The following SHANK2 variants were observed in gnomAD, a reference collection of about 807,000 sequenced individuals.
SHANK2 encodes SH3 and multiple ankyrin repeat domains protein 2.
SHANK2 carries 43 observed loss-of-function variants against 133.7 expected under a neutral mutation model. The observed-to-expected ratio is 0.32, with a 90% CI of 0.25 to 0.41. The LOEUF (loss-of-function observed/expected upper bound fraction) is 0.41. SHANK2 is among the 10% of genes least tolerant of loss of function. The pLI, the probability that SHANK2 is intolerant of heterozygous loss-of-function variation, is 1.00. For synonymous variants in SHANK2, 1,017 were observed against 952.8 expected (o/e 1.07, Z -1.24); for missense variants, 1,994 against 2,235.8 (o/e 0.89, Z 2.18).
intron 3 of SHANK2, among the ~76,000 whole-genome samples, chr11:71,133,287 C>A (rs560070135): frequency 1.8e-5 from 2 of 113,450 alleles, no homozygotes; most frequent in East Asian, 5.2e-4. Context: ...GATGGCCGGC[C>A]GGACGGCTGG....
intron 17 of SHANK2, among the ~76,000 whole-genome samples, chr11:70,518,112 G>C (rs2059287709): frequency 6.6e-6 from 1 of 152,172 alleles, no homozygotes; most frequent in Admixed American, 6.5e-5. Flanking sequence ...TGAGTACCCT[G>C]AGCCAGTGCT....
intron 17 of SHANK2, among the ~76,000 whole-genome samples, chr11:70,619,901 T>C (rs1425783836): frequency 2.0e-5 from 3 of 152,138 alleles, no homozygotes; most frequent in Non-Finnish European, 2.9e-5. Context: ...AGGAGCACGT[T>C]TGGGGCTCAG....
At chr11:70,874,396 G>A (rs1209933796) in intron 11 of SHANK2, among the ~76,000 whole-genome samples, 2 of 152,060 alleles carry the variant, frequency 1.3e-5, no homozygotes, top group African/African-American at 2.4e-5. Flanking sequence ...ACACTGGAGT[G>A]CACTGGCCCA....
At chr11:70,855,081 AG>A (rs1425978317) in intron 11 of SHANK2, among the ~76,000 whole-genome samples, 1 of 152,248 alleles carries the variant, frequency 6.6e-6, no homozygotes, top group Non-Finnish European at 1.5e-5. Flanking sequence ...AAGAAGGGAC[AG>A]CCATTTGGCT....
intron 21 of SHANK2, among the ~76,000 whole-genome samples, chr11:70,498,790 C>G (rs1335802890): frequency 6.6e-6 from 1 of 152,114 alleles, no homozygotes; most frequent in Non-Finnish European, 1.5e-5. Context: ...GGCTGGAAGT[C>G]CAAGGTCAGG....
chr11:70,890,352 A>G (rs1448058488), intron 11 of SHANK2, among the ~76,000 whole-genome samples: 4 of 152,078 alleles, frequency 2.6e-5, no homozygotes, highest in African/African-American at 9.7e-5. Flanking sequence ...AAGAATAGAA[A>G]AAATTGGGCC....
At chr11:71,066,144 TG>T (rs1488706061) in intron 9 of SHANK2, among the ~76,000 whole-genome samples, 127 of 34,198 alleles carry the variant, frequency 3.7e-3, no homozygotes, top group Middle Eastern at 0.019. Flanking sequence ...GTGGGGAAGT[TG>T]GGTGGGGGGG....
In SHANK2 at chr11:70,794,214, G is replaced by C. The variant is rs572735350; in HGVS notation, c.1777+4229C>G. ...GAGAATCACTTGAACTCTGGAGTGG[G>C]AGTTTGCAGTGAGCTGAGATGGTGC... On this transcript the variant is annotated intron_variant, in intron 14 of 25. Coordinates refer to ENST00000601538, the MANE Select transcript of SHANK2 (RefSeq NM_012309.5). Among the ~76,000 whole-genome samples the C allele has an allele frequency of 8.0e-5, 12 of 150,114 alleles. No individual in the cohort carries two copies. The South Asian group carries it at 2.6e-3, about 33-fold the overall frequency.
Position 70,490,373 on chromosome 11 carries a change from G to C in SHANK2, c.2454C>G (p.Arg818=). ...TGGGCGTCATCACGGCGATTCCTTG[G>C]CGTTCGTACACAGACTGCAAACCAG... ...AGSDMNSVYE[R]QGIAVMTPTV... Residue 818 remains arginine, a synonymous_variant, in exon 23 of 26, where the codon CGC becomes CGG. Transcript: ENST00000601538. 6.2e-7 allele frequency: 1 copy of C among 1,614,190 alleles called. No homozygotes were observed. Among genetic ancestry groups the C allele is most frequent in the Non-Finnish European group, 8.5e-7 (1 of 1,179,996 alleles).
At chr11:70,734,831 T>C (rs1555033135) in intron 14 of SHANK2, among the ~76,000 whole-genome samples, 2 of 152,182 alleles carry the variant, frequency 1.3e-5, no homozygotes, top group Non-Finnish European at 2.9e-5. Context: ...ATGAGGACCC[T>C]TGGGGACGGC....
chr11:70,777,861 G>A (rs782306231), intron 14 of SHANK2, among the ~76,000 whole-genome samples: 7 of 152,290 alleles, frequency 4.6e-5, no homozygotes, highest in South Asian at 2.1e-4. Flanking sequence ...CAGACATTCA[G>A]GTTTCATGAG....
chr11:70,877,807 G>C (rs563217590), intron 11 of SHANK2, among the ~76,000 whole-genome samples: 1 of 152,164 alleles, frequency 6.6e-6, no homozygotes, highest in Non-Finnish European at 1.5e-5. Flanking sequence ...ACGGATAGAC[G>C]GGCACATTCT....
At chr11:70,729,647 C>A (rs529322652) in intron 14 of SHANK2, among the ~76,000 whole-genome samples, 97 of 151,622 alleles carry the variant, frequency 6.4e-4, no homozygotes, top group Non-Finnish European at 1.0e-3. Context: ...GCTTCAGCCT[C>A]CCGAGTAGCT....
rs532189486 is a variant in SHANK2 at position 71,164,001 on chromosome 11, C to G, written c.-12-16663G>C. ...TAGTTCCTAGTTTGTAGTCTGTCTG[C>G]TCTAACAAACCTGTTGCACTTAGGA... is the stretch of plus-strand genomic sequence containing the variant. On this transcript the variant is annotated intron_variant, in intron 2 of 25. Transcript: ENST00000601538. 2.0e-5 allele frequency among the ~76,000 whole-genome samples: 3 copies of G among 152,278 alleles called. No individual in the cohort carries two copies. In the South Asian group the frequency reaches 6.2e-4, roughly 32 times the overall value.
At chr11:71,108,817 T>A (rs1403154514) in intron 6 of SHANK2, among the ~76,000 whole-genome samples, 1 of 152,150 alleles carries the variant, frequency 6.6e-6, no homozygotes, top group Non-Finnish European at 1.5e-5. Flanking sequence ...CACAAGCCCG[T>A]GCCGGCTTCT....
chr11:70,697,715 G>C (rs1392470334), intron 15 of SHANK2, among the ~76,000 whole-genome samples: 1 of 152,102 alleles, frequency 6.6e-6, no homozygotes, highest in East Asian at 1.9e-4. Flanking sequence ...CGAGTGCAGG[G>C]GTCTGGGCTG....
In SHANK2 at chr11:70,467,863, A is replaced by G. The variant is rs2058554226; in HGVS notation, c.*5006T>C. The G allele has an allele frequency of 6.6e-6, 1 of 152,612 alleles. No individual in the cohort carries two copies. The highest frequency in any genetic ancestry group is 6.5e-5 in the Admixed American group (1 of 15,280). 9.5% of individuals were successfully genotyped at this position (152,612 alleles called of 1,614,324 possible). On this transcript the variant is annotated 3_prime_UTR_variant, in exon 26 of 26. Coordinates refer to ENST00000601538, the MANE Select transcript of SHANK2 (RefSeq NM_012309.5). ...TGATAACACAATCTTATTTCAATTT[A>G]CTTTTTATTTTTAACTTAAACGACT...
chr11:70,682,839 A>T (rs143185261), intron 15 of SHANK2, among the ~76,000 whole-genome samples: 2 of 152,252 alleles, frequency 1.3e-5, no homozygotes, highest in East Asian at 3.9e-4. Context: ...CGCAAGTCCT[A>T]AGCACAGGAG....
At chr11:70,511,048 G>C (rs535120030) in intron 17 of SHANK2, among the ~76,000 whole-genome samples, 5 of 152,344 alleles carry the variant, frequency 3.3e-5, no homozygotes, top group Admixed American at 1.3e-4. Flanking sequence ...AAAGCTGTGC[G>C]TCGTGTGGCT....
Sources: gnomAD v4.1 joint callset for allele counts (sites outside exome capture counted in the v4.1 genomes callset) on GRCh38, gnomAD v4.1.1 for gene constraint, MANE v1.5 for transcripts, NCBI Gene and HGNC (gene_info 2026-07-23, HGNC 2026-07-21) for gene names.